USP34: variants seen among roughly 807,000 people sequenced by gnomAD.
USP34 encodes ubiquitin carboxyl-terminal hydrolase 34.
USP34 carries 70 observed loss-of-function variants against 460.3 expected under a neutral mutation model. The ratio of observed to expected loss-of-function variants is 0.15; its 90% CI spans 0.13 to 0.19. The LOEUF (loss-of-function observed/expected upper bound fraction) is 0.19. USP34 is among the 10% of genes least tolerant of loss of function. USP34 has a pLI of 1.00. For missense variants in USP34, 3,985 were observed against 4,236.2 expected (o/e 0.94, Z 1.65); for synonymous variants, 1,647 against 1,405.3 (o/e 1.17, Z -3.85).
intron 69 of USP34, among the ~76,000 whole-genome samples, chr2:61,210,428 AG>A (rs1453658761): frequency 1.3e-5 from 2 of 152,248 alleles, no homozygotes; most frequent in African/African-American, 2.4e-5. Context: ...TTTAGAGCCT[AG>A]GAACAGTTGG....
In USP34 at chr2:61,281,143, C is replaced by T. The variant is rs376683597; in HGVS notation, c.5098G>A (p.Ala1700Thr). The T allele has an allele frequency of 2.1e-5, 34 of 1,613,632 alleles. No homozygotes were observed. The highest frequency in any genetic ancestry group is 2.7e-5 in the Non-Finnish European group (32 of 1,179,840). Reference sequence around the variant, plus strand: ...GGAAGAAATTTCAATAATGTTGAGGCAGCCAATAGCAGAAAAGAACGATTG... The same window carrying T: ...GGAAGAAATTTCAATAATGTTGAGGTAGCCAATAGCAGAAAAGAACGATTG... ...SINRSFLLLA[A>T]STLLKFLPDA... The change falls in exon 38 of 80, where the codon GCC becomes ACC. Residue 1700 changes from alanine (A) to threonine (T), a missense_variant. By Grantham distance (58) the Ala-to-Thr change is moderately conservative. This residue lies in a region of USP34 where 1,114 missense variants were observed against 1,122.5 expected (regional missense o/e 0.99). Coordinates refer to ENST00000398571, the MANE Select transcript of USP34 (RefSeq NM_014709.4).
chr2:61,231,244 G>A lies in USP34; in HGVS notation c.7113+1208C>T, dbSNP rs938602051. On this transcript the variant is annotated intron_variant, in intron 58 of 79. Coordinates refer to ENST00000398571, the MANE Select transcript of USP34 (RefSeq NM_014709.4). ...TAGTTGTCAGGTATTGAGGAGAGAGGACAGGATGAAATAGGAACTGATTGC... is the reference window on the plus strand; with the variant it reads ...TAGTTGTCAGGTATTGAGGAGAGAGAACAGGATGAAATAGGAACTGATTGC... 4.0e-5 allele frequency among the ~76,000 whole-genome samples: 6 copies of A among 151,478 alleles called. No homozygotes were observed. The East Asian group carries it at 1.2e-3, about 29-fold the overall frequency.
chr2:61,341,938 T>C (rs1426408460), intron 16 of USP34, among the ~76,000 whole-genome samples: 2 of 151,654 alleles, frequency 1.3e-5, no homozygotes, highest in Non-Finnish European at 2.9e-5. Flanking sequence ...GATTTTTGTA[T>C]TTTTAGTACC....
intron 61 of USP34, among the ~76,000 whole-genome samples, chr2:61,227,732 CAAACA>C (rs752260248): frequency 6.9e-4 from 75 of 109,332 alleles, no homozygotes; most frequent in African/African-American, 1.0e-3. Context: ...AACAAACAAA[CAAACA>C]AAAAAAAAAC....
intron 2 of USP34, among the ~76,000 whole-genome samples, chr2:61,418,058 T>TTATAAA (rs1410540244): frequency 6.6e-6 from 1 of 150,724 alleles, no homozygotes; most frequent in Non-Finnish European, 1.5e-5. Context: ...TTTATAATGC[T>TTATAAA]TATAAATATT....
chr2:61,435,037 C>T (rs1180605313), intron 1 of USP34, among the ~76,000 whole-genome samples: 1 of 151,928 alleles, frequency 6.6e-6, no homozygotes. Context: ...AGCACAGCAC[C>T]TCACACCTAT....
Position 61,292,470 on chromosome 2 carries a change from G to C in USP34, c.4548+994C>G, listed in dbSNP as rs193297994. Among the ~76,000 whole-genome samples the C allele has an allele frequency of 9.9e-5, 15 of 152,214 alleles. No individual in the cohort carries two copies. The East Asian group carries it at 2.7e-3, about 27-fold the overall frequency. On this transcript the variant is annotated intron_variant, in intron 33 of 79. Coordinates refer to ENST00000398571, the MANE Select transcript of USP34 (RefSeq NM_014709.4). ...CATAATTTCAAGAAAAACAAACAGA[G>C]AAAACCTTTAGTACGGGGGTGTCCA...
chr2:61,390,792 G>C (rs11886882), intron 5 of USP34, among the ~76,000 whole-genome samples: 45 of 151,874 alleles, frequency 3.0e-4, no homozygotes, highest in African/African-American at 1.1e-3. Context: ...TCTAGATTCA[G>C]GTTCTGAAAA....
At chr2:61,457,813 A>G (rs1239830050) in intron 1 of USP34, among the ~76,000 whole-genome samples, 2 of 152,068 alleles carry the variant, frequency 1.3e-5, no homozygotes, top group East Asian at 1.9e-4. Context: ...ATATCACTGT[A>G]CTCCAGCCTG....
intron 75 of USP34, chr2:61,199,852 CAAAT>C: frequency 6.6e-6 from 1 of 152,142 alleles, no homozygotes; most frequent in South Asian, 2.1e-4. Flanking sequence ...GAAAAAAGGA[CAAAT>C]AAAAAATAAA....
chr2:61,317,417 C>T (rs1349174987), intron 23 of USP34, among the ~76,000 whole-genome samples: 1 of 152,048 alleles, frequency 6.6e-6, no homozygotes, highest in African/African-American at 2.4e-5. Context: ...ATCCCAGCTA[C>T]TTCGGGGGCT....
chr2:61,306,573 G>C (rs1166477724), intron 27 of USP34, among the ~76,000 whole-genome samples: 2 of 152,106 alleles, frequency 1.3e-5, no homozygotes, highest in Non-Finnish European at 2.9e-5. Flanking sequence ...GGTTTCATAT[G>C]AACTTTAAAG....
rs573561466 is a variant in USP34 at position 61,308,129 on chromosome 2, G to A, written c.3817+3411C>T. The stretch of plus-strand genomic sequence containing the variant: ...AATAGAAACTCAGATCTGTGCACAG[G>A]AATGAAAAGTGTCAGAAGTGCTAAA... On this transcript the variant is annotated intron_variant, in intron 27 of 79. Transcript: ENST00000398571. Among the ~76,000 whole-genome samples, 3 of 152,040 alleles carry A rather than the reference G, an allele frequency of 2.0e-5. No homozygotes were observed. The South Asian group carries it at 6.2e-4, about 32-fold the overall frequency.
chr2:61,291,695 T>C (rs1689856932), intron 33 of USP34, among the ~76,000 whole-genome samples: 1 of 152,184 alleles, frequency 6.6e-6, no homozygotes, highest in Non-Finnish European at 1.5e-5. Flanking sequence ...AAAATGTAAA[T>C]GCTAGAAATC....
chr2:61,241,069 G>C (rs1035698872), intron 53 of USP34, among the ~76,000 whole-genome samples: 19 of 151,690 alleles, frequency 1.3e-4, no homozygotes, highest in Admixed American at 3.3e-4. Flanking sequence ...TTTTGAGATG[G>C]AGTCTTGCTC....
Position 61,259,691 on chromosome 2 carries a change from T to G in USP34, c.5844+20A>C. ...ATGAGCCACAGTGCCTGGCCTAGCCTCCATGATTCTTAAACATACCATTAA... is the reference window on the plus strand; with the variant it reads ...ATGAGCCACAGTGCCTGGCCTAGCCGCCATGATTCTTAAACATACCATTAA... On this transcript the variant is annotated intron_variant, in intron 44 of 79. Coordinates refer to ENST00000398571, the MANE Select transcript of USP34 (RefSeq NM_014709.4). 6.2e-7 allele frequency: 1 copy of G among 1,610,248 alleles called. No homozygotes were observed.
intron 10 of USP34, among the ~76,000 whole-genome samples, chr2:61,365,683 A>G (rs1692415618): frequency 6.6e-6 from 1 of 152,146 alleles, no homozygotes; most frequent in Admixed American, 6.5e-5. Flanking sequence ...ATACCTAAAT[A>G]TAGCATAATA....
In USP34 at chr2:61,293,986, G is replaced by C. The variant is rs570474607; in HGVS notation, c.4462-436C>G. On this transcript the variant is annotated intron_variant, in intron 32 of 79. Coordinates refer to ENST00000398571, the MANE Select transcript of USP34 (RefSeq NM_014709.4). ...GCCATGATCATGCCACTGCAATCCA[G>C]CCTGGGTGACAAGGTGAGACCCTGT... Among the ~76,000 whole-genome samples the C allele has an allele frequency of 3.3e-5, 5 of 152,210 alleles. No homozygotes were observed. The South Asian group carries it at 1.0e-3, about 32-fold the overall frequency.
chr2:61,448,936 C>T (rs1695192822), intron 1 of USP34, among the ~76,000 whole-genome samples: 1 of 152,154 alleles, frequency 6.6e-6, no homozygotes, highest in South Asian at 2.1e-4. Context: ...AGGTGGATCA[C>T]CTGAGGTTGG....
Sources: allele counts gnomAD v4.1 joint callset (sites outside exome capture counted in the v4.1 genomes callset), GRCh38; gene constraint gnomAD v4.1.1; regional missense constraint gnomAD v4.1.1; transcripts MANE v1.5; gene names NCBI Gene and HGNC (gene_info 2026-07-23, HGNC 2026-07-21).